The following MACROD2 variants were observed in gnomAD, a reference collection of about 807,000 sequenced individuals.
MACROD2 encodes ADP-ribose glycohydrolase MACROD2.
In MACROD2, 36 loss-of-function variants were observed where a neutral mutation model predicts 70.4. That is an observed-to-expected ratio of 0.51 (90% CI 0.39 to 0.68). The LOEUF is 0.68. MACROD2 is among the 30% of genes least tolerant of loss of function. The pLI is 0.00. For missense variants in MACROD2, 496 were observed against 538.4 expected (o/e 0.92, Z 0.78); for synonymous variants, 172 against 178.8 (o/e 0.96, Z 0.30).
chr20:15,983,946 T>C (rs1471319421), intron 13 of MACROD2, among the ~76,000 whole-genome samples: 2 of 152,220 alleles, frequency 1.3e-5, no homozygotes, highest in Non-Finnish European at 2.9e-5. Context: ...TAAAGAAAGC[T>C]AAATACTATT....
At chr20:14,192,509 A>G (rs763255648) in intron 3 of MACROD2, among the ~76,000 whole-genome samples, 2 of 152,164 alleles carry the variant, frequency 1.3e-5, no homozygotes, top group Non-Finnish European at 2.9e-5. Flanking sequence ...AGATGTGGGA[A>G]GAGGCACTGG....
intron 6 of MACROD2, among the ~76,000 whole-genome samples, chr20:15,312,380 G>A (rs1468170568): frequency 1.3e-5 from 2 of 152,100 alleles, no homozygotes; most frequent in African/African-American, 4.8e-5. Flanking sequence ...AAAATAATAC[G>A]ATGACTGGGA....
At chr20:14,786,458 T>C (rs2072375591) in intron 5 of MACROD2, among the ~76,000 whole-genome samples, 1 of 151,992 alleles carries the variant, frequency 6.6e-6, no homozygotes, top group Non-Finnish European at 1.5e-5. Flanking sequence ...AGTATCATTA[T>C]TTTTCTTCTG....
intron 3 of MACROD2, among the ~76,000 whole-genome samples, chr20:14,492,248 A>G (rs1033427482): frequency 6.6e-6 from 1 of 152,206 alleles, no homozygotes; most frequent in Admixed American, 6.5e-5. Flanking sequence ...TTGATTAATG[A>G]CATTGCTACT....
chr20:14,564,478 C>G (rs1302201321), intron 4 of MACROD2, among the ~76,000 whole-genome samples: 1 of 151,778 alleles, frequency 6.6e-6, no homozygotes, highest in Non-Finnish European at 1.5e-5. Context: ...CCAGAATCTA[C>G]AAAGAACTCA....
chr20:14,556,618 G>T (rs1192034259), intron 4 of MACROD2, among the ~76,000 whole-genome samples: 1 of 152,022 alleles, frequency 6.6e-6, no homozygotes, highest in Non-Finnish European at 1.5e-5. Context: ...AACAGAATTT[G>T]ATCCCGTCAT....
chr20:14,203,808 C>T (rs759384114), intron 3 of MACROD2, among the ~76,000 whole-genome samples: 3 of 152,130 alleles, frequency 2.0e-5, no homozygotes, highest in Admixed American at 6.5e-5. Flanking sequence ...CCCTTGGGCA[C>T]CCATGTAGGT....
intron 3 of MACROD2, among the ~76,000 whole-genome samples, chr20:14,358,244 T>C (rs563987781): frequency 7.9e-5 from 12 of 152,352 alleles, no homozygotes; most frequent in African/African-American, 2.9e-4. Context: ...GGATTGAATG[T>C]CACTGTGGTG....
At chr20:14,963,265 C>CAAGGGCTGAGAA (rs2074600843) in intron 5 of MACROD2, among the ~76,000 whole-genome samples, 4 of 152,212 alleles carry the variant, frequency 2.6e-5, no homozygotes, top group Admixed American at 1.3e-4. Context: ...TGAGTGCTTG[C>CAAGGGCTGAGAA]AAGGGCTGAG....
intron 8 of MACROD2, among the ~76,000 whole-genome samples, chr20:15,708,839 A>C (rs1242873400): frequency 2.6e-5 from 4 of 152,018 alleles, no homozygotes; most frequent in Non-Finnish European, 5.9e-5. Context: ...AGCCTGGGCA[A>C]AATAGCAAGA....
intron 8 of MACROD2, among the ~76,000 whole-genome samples, chr20:15,771,205 C>T (rs1274831955): frequency 6.6e-6 from 1 of 151,980 alleles, no homozygotes. Context: ...GACAAGGTCT[C>T]CCTCTGTTAC....
At chr20:14,486,032 C>A (rs1422921186) in intron 3 of MACROD2, among the ~76,000 whole-genome samples, 1 of 151,986 alleles carries the variant, frequency 6.6e-6, no homozygotes, top group Non-Finnish European at 1.5e-5. Context: ...TTAAAACATA[C>A]CTGTTCAATC....
intron 6 of MACROD2, among the ~76,000 whole-genome samples, chr20:15,295,594 A>AC (rs2077578396): frequency 2.6e-5 from 1 of 38,978 alleles, no homozygotes; most frequent in African/African-American, 1.3e-4. Context: ...AATGTCTGTC[A>AC]TCACACACAC....
At chr20:15,806,424 A>T (rs929611061) in intron 8 of MACROD2, among the ~76,000 whole-genome samples, 1 of 152,202 alleles carries the variant, frequency 6.6e-6, no homozygotes, top group African/African-American at 2.4e-5. Context: ...ACACCTTTCA[A>T]GTGTCTGAAA....
intron 10 of MACROD2, among the ~76,000 whole-genome samples, chr20:15,890,274 A>G (rs1408386356): frequency 6.6e-6 from 1 of 152,220 alleles, no homozygotes; most frequent in Admixed American, 6.5e-5. Context: ...ATTCTGGTGG[A>G]AAATGAAGAC....
chr20:14,663,371 G>T (rs1488469469), intron 4 of MACROD2, among the ~76,000 whole-genome samples: 1 of 151,680 alleles, frequency 6.6e-6, no homozygotes, highest in East Asian at 1.9e-4. Context: ...GAAAAATAAT[G>T]AATGGATACT....
intron 6 of MACROD2, among the ~76,000 whole-genome samples, chr20:15,271,518 A>G (rs1321969301): frequency 6.6e-6 from 1 of 152,222 alleles, no homozygotes; most frequent in African/African-American, 2.4e-5. Flanking sequence ...CCAGTTTCCA[A>G]AACAGCACAG....
intron 3 of MACROD2, among the ~76,000 whole-genome samples, chr20:14,105,743 T>C (rs926409498): frequency 1.3e-5 from 2 of 152,078 alleles, no homozygotes; most frequent in African/African-American, 2.4e-5. Context: ...AGTGACTCCT[T>C]CTTTCTACTT....
At chr20:14,196,328 A>G (rs2081432280) in intron 3 of MACROD2, among the ~76,000 whole-genome samples, 1 of 152,232 alleles carries the variant, frequency 6.6e-6, no homozygotes, top group Admixed American at 6.5e-5. Context: ...TGATGCACTT[A>G]TCACAGTGTA....
Sources: allele counts gnomAD v4.1 joint callset (sites outside exome capture counted in the v4.1 genomes callset), GRCh38; gene constraint gnomAD v4.1.1; transcripts MANE v1.5; gene names NCBI Gene and HGNC (gene_info 2026-07-23, HGNC 2026-07-21).